The following GLOD4 variants were observed in gnomAD, a reference collection of about 807,000 sequenced individuals.
The protein encoded by GLOD4 is glyoxalase domain-containing protein 4.
A neutral mutation model predicts 39.1 loss-of-function variants in GLOD4; 44 were observed. The observed-to-expected ratio is 1.13, with a 90% CI of 0.88 to 1.45. The LOEUF is 1.45. Among genes scored for constraint, GLOD4 ranks in the 40% most tolerant of loss-of-function variants. GLOD4 has a pLI of 0.00. For synonymous variants in GLOD4, 145 were observed against 135.0 expected, an observed-to-expected ratio of 1.07 and a Z score of -0.52; for missense variants, 405 against 366.4, an observed-to-expected ratio of 1.11 and a Z score of -0.86.
intron 4 of GLOD4, among the ~76,000 whole-genome samples, chr17:774,379 G>C (rs1908527415): frequency 6.6e-6 from 1 of 152,258 alleles, no homozygotes; most frequent in South Asian, 2.1e-4. Flanking sequence ...CGTTCACCAA[G>C]TAAGGGAGTC....
At chr17:768,958 A>G (rs1765109459) in intron 8 of GLOD4, among the ~76,000 whole-genome samples, 1 of 152,256 alleles carries the variant, frequency 6.6e-6, no homozygotes, top group Non-Finnish European at 1.5e-5. Context: ...AGAGAGAAAC[A>G]GTGCGCACTC....
chr17:765,815 GGTGC>G (rs1906434516), intron 8 of GLOD4, among the ~76,000 whole-genome samples: 1 of 151,652 alleles, frequency 6.6e-6, no homozygotes, highest in South Asian at 2.1e-4. Flanking sequence ...CAGGTGTGGT[GGTGC>G]GTGCCTGTAA....
upstream of GLOD4, chr17:782,943 C>T (rs1164918874): frequency 1.2e-5 from 15 of 1,266,914 alleles, no homozygotes; most frequent in Non-Finnish European, 1.6e-5. Flanking sequence ...CCGCCTCGGC[C>T]TCCCAATGTG....
At chr17:777,061 G>A in intron 2 of GLOD4, 73 bp from the exon 3 acceptor site, 1 of 1,416,566 alleles carries the variant, frequency 7.1e-7, no homozygotes, top group South Asian at 1.2e-5. Context: ...AGAACTACTG[G>A]GCACAGAGAG....
chr17:783,536 C>T (rs570073522), upstream of GLOD4: 7 of 426,216 alleles, frequency 1.6e-5, no homozygotes, highest in South Asian at 7.8e-5. Flanking sequence ...GGGGTTTCAC[C>T]ATGTTGGCCA....
intron 3 of GLOD4, among the ~76,000 whole-genome samples, chr17:776,484 C>A (rs765861175): frequency 3.3e-5 from 5 of 152,170 alleles, no homozygotes; most frequent in African/African-American, 4.8e-5. Context: ...CAGACTGCAG[C>A]CAGCCTTGTT....
At chr17:776,743 G>A (rs986238780) in intron 3 of GLOD4, 125 bp downstream of exon 3, 2 of 740,658 alleles carry the variant, frequency 2.7e-6, no homozygotes, top group African/African-American at 3.5e-5. Context: ...CTAACTCCCT[G>A]ACCTCTTTTG....
At chr17:784,769 T>C (rs1910452329), upstream of GLOD4, among the ~76,000 whole-genome samples, 1 of 152,150 alleles carries the variant, frequency 6.6e-6, no homozygotes, top group Middle Eastern at 3.2e-3. Flanking sequence ...CTCCGTATAG[T>C]GGGTTCTCAT....
chr17:777,578 G>A (rs59122102), intron 2 of GLOD4: 17,350 of 152,244 alleles, frequency 0.11, 1,142 homozygotes, highest in East Asian at 0.24. Context: ...GAAGACAGAG[G>A]TTGCAGTGAG....
Position 778,697 on chromosome 17 carries a change from A to G in GLOD4, c.138T>C (p.Asn46=). 1 of 1,562,914 alleles carries G rather than the reference A, an allele frequency of 6.4e-7. No homozygotes were observed. The highest frequency in any genetic ancestry group is 8.8e-7 in the Non-Finnish European group (1 of 1,133,266). Residue 46 remains asparagine, a splice_region_variant and synonymous_variant, in exon 2 of 9, where the codon AAT becomes AAC. Transcript: ENST00000301329. ...TTTTAAGAAACAAGGTATCATACCC[A>G]TTACAGGCAGCTTTGCAGCCTTCTT... ...EFEEGCKAAC[N]GPYDGKWSKT...
intron 4 of GLOD4, among the ~76,000 whole-genome samples, chr17:774,662 G>T (rs2047446695): frequency 2.0e-5 from 3 of 152,168 alleles, no homozygotes; most frequent in Non-Finnish European, 2.9e-5. Context: ...ATGGTTTGGG[G>T]GTGATCCTAT....
upstream of GLOD4, chr17:782,941 G>T (rs1437504893): frequency 4.0e-6 from 5 of 1,240,342 alleles, no homozygotes; most frequent in African/African-American, 3.0e-5. Context: ...GCCCGCCTCG[G>T]CCTCCCAATG....
chr17:782,191 A>G lies in GLOD4; in HGVS notation c.65T>C (p.Phe22Ser). The G allele has an allele frequency of 2.5e-6, 4 of 1,609,840 alleles. No individual in the cohort carries two copies. The highest frequency in any genetic ancestry group is 3.4e-6 in the Non-Finnish European group (4 of 1,177,036). ...KVGNRFQTAR[F>S]YRDVLGMKVL... ...CTTCATCCCCAGGACGTCCCGATAG[A>G]AACGCGCCGTCTGGAAGCGGTTTCC... is the stretch of plus-strand genomic sequence containing the variant. The change falls in exon 1 of 9, where the codon TTC becomes TCC. Residue 22 changes from phenylalanine to serine, a missense_variant. Coordinates refer to ENST00000301329, the MANE Select transcript of GLOD4 (RefSeq NM_016080.4).
chr17:763,437 C>A (rs369544054), intron 8 of GLOD4: 1 of 150,148 alleles, frequency 6.7e-6, no homozygotes, highest in Non-Finnish European at 1.5e-5. Context: ...AGGAGAATCA[C>A]TTGAACCTGG....
At chr17:770,714 T>C in intron 5 of GLOD4, 1 of 423,458 alleles carries the variant, frequency 2.4e-6, no homozygotes, top group Non-Finnish European at 4.2e-6. Context: ...TTTACACAAA[T>C]GGTGGTATAA....
chr17:763,182 A>T (rs1455601778), intron 8 of GLOD4, among the ~76,000 whole-genome samples: 2 of 57,408 alleles, frequency 3.5e-5, no homozygotes, highest in Non-Finnish European at 1.1e-4. Context: ...GACTCCGTCT[A>T]AAAAAAAAAA....
At chr17:777,094 A>T in intron 2 of GLOD4, 106 bp from the exon 3 acceptor site, 1 of 1,087,168 alleles carries the variant, frequency 9.2e-7, no homozygotes. Flanking sequence ...GTCTGGTCCT[A>T]AAAGTTCTCT....
At chr17:782,367 G>A, upstream of GLOD4, 1 of 1,613,516 alleles carries the variant, frequency 6.2e-7, no homozygotes, top group East Asian at 2.2e-5. Context: ...CGCAGCCCGG[G>A]TCTCAGGGAA....
intron 4 of GLOD4, among the ~76,000 whole-genome samples, 160 bp from the exon 5 acceptor site, chr17:771,621 A>T (rs577267540): frequency 4.3e-4 from 66 of 152,370 alleles, no homozygotes; most frequent in African/African-American, 1.5e-3. Flanking sequence ...TAATGCCAGC[A>T]CTTTGGGAGA....
Sources: allele counts gnomAD v4.1 joint callset (sites outside exome capture counted in the v4.1 genomes callset), GRCh38; gene constraint gnomAD v4.1.1; transcripts MANE v1.5; gene names NCBI Gene and HGNC (gene_info 2026-07-23, HGNC 2026-07-21).